Variants in CACNA1I observed in about 807,000 individuals in gnomAD.
The protein encoded by CACNA1I is calcium voltage-gated channel subunit alpha1 I.
In CACNA1I, 74 loss-of-function variants were observed where a neutral mutation model predicts 201.6. That is an observed-to-expected ratio of 0.37 (90% CI 0.30 to 0.45). The LOEUF (loss-of-function observed/expected upper bound fraction) is 0.45. CACNA1I is among the 20% of genes least tolerant of loss of function. The probability of loss-of-function intolerance (pLI) is 1.00; values close to 1 mark genes in which losing one functional copy is unlikely to be tolerated. For synonymous variants in CACNA1I, 1,431 were observed against 1,345.2 expected (o/e 1.06, Z -1.40); for missense variants, 2,346 against 3,138.1 (o/e 0.75, Z 6.03).
chr22:39,616,502 C>T (rs866997971), intron 3 of CACNA1I, among the ~76,000 whole-genome samples: 3 of 152,066 alleles, frequency 2.0e-5, no homozygotes, highest in Admixed American at 2.0e-4. Flanking sequence ...CGGTGGCTCA[C>T]GCCTGTAATC....
rs1406724119 is a variant in CACNA1I at position 39,621,375 on chromosome 22, C to A, written c.580+1968C>A. Among the ~76,000 whole-genome samples, 6 of 152,320 alleles carry A rather than the reference C, an allele frequency of 3.9e-5. No homozygotes were observed. The East Asian group carries it at 7.7e-4, about 20-fold the overall frequency. ...CATTCCTTTATTCCTAGCCCTGGGGCCTTGGGGCTCTGTCACCCACCCCAC... is the reference window on the plus strand; with the variant it reads ...CATTCCTTTATTCCTAGCCCTGGGGACTTGGGGCTCTGTCACCCACCCCAC... On this transcript the variant is annotated intron_variant, in intron 4 of 36. Coordinates refer to ENST00000402142, the MANE Select transcript of CACNA1I (RefSeq NM_021096.4).
chr22:39,681,611 G>A (rs915098600), intron 34 of CACNA1I, among the ~76,000 whole-genome samples: 3 of 152,134 alleles, frequency 2.0e-5, no homozygotes, highest in Non-Finnish European at 4.4e-5. Flanking sequence ...CAGGGGGTCA[G>A]TCTGAGGAGG....
rs766634047 is a variant in CACNA1I, at chr22:39,598,242, G to A, written c.328G>A (p.Asp110Asn). 8 of 1,598,514 alleles carry A rather than the reference G, an allele frequency of 5.0e-6. No individual in the cohort carries two copies. In the African/African-American group the frequency reaches 6.7e-5, roughly 13 times the overall value. ...QPCDDMDCLS[D>N]RCKILQVFDD... ...GTGCGACGACATGGACTGCCTGTCC[G>A]ACCGCTGCAAGATCCTGCAGGTGAG... The change falls in exon 2 of 37, where the codon GAC becomes AAC. Residue 110 changes from aspartate (D) to asparagine (N), a missense_variant. Physicochemically the swap from Asp to Asn is conservative, Grantham distance 23 (BLOSUM62 1). Around this residue, in one of 13 missense-constraint regions of CACNA1I, gnomAD observed 130 missense variants for 160.7 expected, o/e 0.81. Transcript: ENST00000402142.
intron 24 of CACNA1I, among the ~76,000 whole-genome samples, chr22:39,668,667 A>C (rs1399332466): frequency 1.3e-5 from 2 of 152,170 alleles, no homozygotes; most frequent in Non-Finnish European, 2.9e-5. Flanking sequence ...CCTGGTGGGT[A>C]GAGAACCAAG....
chr22:39,662,958 A>AT, intron 18 of CACNA1I, 82 bp downstream of exon 18: 1 of 968,602 alleles, frequency 1.0e-6, no homozygotes, highest in Non-Finnish European at 1.6e-6. Flanking sequence ...AGGCAAGGCC[A>AT]TTGGTGGCGC....
At chr22:39,619,235 G>C in intron 3 of CACNA1I, 75 bp from the exon 4 acceptor site, 1 of 1,127,432 alleles carries the variant, frequency 8.9e-7, no homozygotes, top group Non-Finnish European at 1.3e-6. Context: ...CAGGTGGCTG[G>C]AGAATGCTGT....
At chr22:39,575,635 C>T (rs1932319314) in intron 1 of CACNA1I, among the ~76,000 whole-genome samples, 1 of 152,118 alleles carries the variant, frequency 6.6e-6, no homozygotes, top group Non-Finnish European at 1.5e-5. Flanking sequence ...TGGCCATGCC[C>T]CCCATCAGTG....
At chr22:39,661,014 C>A in intron 15 of CACNA1I, 94 bp from the exon 16 acceptor site, 1 of 1,023,166 alleles carries the variant, frequency 9.8e-7, no homozygotes, top group Non-Finnish European at 1.5e-6. Flanking sequence ...TCCATTTCTG[C>A]TCCTTCCTTG....
chr22:39,662,552 G>A (rs1434410421), intron 17 of CACNA1I, 117 bp downstream of exon 17: 2 of 810,340 alleles, frequency 2.5e-6, no homozygotes, highest in South Asian at 1.9e-5. Context: ...CCGGGGCGTG[G>A]CCGGAGCGGC....
Position 39,665,014 on chromosome 22 carries a change from G to A in CACNA1I, c.3851+91G>A, listed in dbSNP as rs1206599053. ...ATTGGGCCCTCACTCCGCCCTCCCC[G>A]CCCGCCCACTCGGTCCTCCAATAGT... On this transcript the variant is annotated intron_variant, in intron 21 of 36. Transcript: ENST00000402142. This position sits in a 1 kb window ranked among gnomAD's most constrained non-coding sequence, Gnocchi z 5.5. 12 of 1,135,444 alleles carry A rather than the reference G, an allele frequency of 1.1e-5. No homozygotes were observed. The highest frequency in any genetic ancestry group is 1.4e-5 in the South Asian group (1 of 70,324). 70.3% of individuals were successfully genotyped at this position (1,135,444 alleles called of 1,614,324 possible).
chr22:39,634,557 C>T lies in CACNA1I; in HGVS notation c.581-8C>T. 2.5e-6 allele frequency: 4 copies of T among 1,613,802 alleles called. No homozygotes were observed. The South Asian group carries it at 3.3e-5, about 13-fold the overall frequency. ...GTCTGACCATCCCTCCACCTTTTCC[C>T]CTCCCAGGTATGCGGATCCTGGTGA... On this transcript the variant is annotated splice_polypyrimidine_tract_variant and splice_region_variant and intron_variant, in intron 4 of 36. Transcript: ENST00000402142.
intron 4 of CACNA1I, among the ~76,000 whole-genome samples, chr22:39,620,909 C>A (rs138979431): frequency 0.01 from 1,524 of 152,264 alleles, 13 homozygotes; most frequent in Middle Eastern, 0.017. Context: ...AGGCATGTGC[C>A]ACCATGCCTG....
chr22:39,596,125 C>G (rs915175554), intron 1 of CACNA1I, among the ~76,000 whole-genome samples: 7 of 105,228 alleles, frequency 6.7e-5, no homozygotes, highest in African/African-American at 2.7e-4. Flanking sequence ...CAGAGTGAGC[C>G]AGGGCAGGGC....
chr22:39,616,274 T>C (rs577416338), intron 3 of CACNA1I, among the ~76,000 whole-genome samples: 2 of 152,282 alleles, frequency 1.3e-5, no homozygotes, highest in East Asian at 3.9e-4. Context: ...CCCAAGTCTG[T>C]AGCCGAGAGC....
chr22:39,664,678 G>GC, intron 20 of CACNA1I, 61 bp from the exon 21 acceptor site: 210 of 712,144 alleles, frequency 2.9e-4, no homozygotes, highest in Admixed American at 1.7e-3. Flanking sequence ...AGCCCGGTTG[G>GC]CCCCGCCCAC....
At chr22:39,620,895 C>G (rs942554202) in intron 4 of CACNA1I, among the ~76,000 whole-genome samples, 2 of 152,092 alleles carry the variant, frequency 1.3e-5, no homozygotes, top group Non-Finnish European at 2.9e-5. Flanking sequence ...GTAGCTGGGA[C>G]TACAGGCATG....
chr22:39,573,638 C>T (rs572424187), intron 1 of CACNA1I, among the ~76,000 whole-genome samples: 31 of 152,286 alleles, frequency 2.0e-4, no homozygotes, highest in African/African-American at 7.0e-4. Context: ...GGCACCCTGA[C>T]GCCTGACCAC....
rs1935022094 is a variant in CACNA1I, at chr22:39,661,880, G to T, written c.2902-85G>T. On this transcript the variant is annotated intron_variant, in intron 16 of 36. Transcript: ENST00000402142. The stretch of plus-strand genomic sequence containing the variant: ...AGGTGGGTGGTCTTAGAGCCACAGC[G>T]GGGGTGCAGGCTGCCTTTGGGCACC... The T allele has an allele frequency of 3.5e-6, 3 of 848,448 alleles. No individual in the cohort carries two copies. In the South Asian group the frequency reaches 5.6e-5, roughly 16 times the overall value. The allele number at this position is 848,448 out of a possible 1,614,324, so 52.6% of individuals were successfully genotyped here.
At position 39,665,573 on chromosome 22, in the gene CACNA1I, C is replaced by T. The variant is rs758531004; in HGVS notation, c.3927C>T (p.Ile1309=). Residue 1309 remains isoleucine, a synonymous_variant, in exon 22 of 37, where the codon ATC becomes ATT. Coordinates refer to ENST00000402142, the MANE Select transcript of CACNA1I (RefSeq NM_021096.4). This position sits in a 1 kb window ranked among gnomAD's most constrained non-coding sequence, Gnocchi z 5.5. ...LISSLKPIGN[I]VLICCAFFII... is the part of the protein sequence containing the mutation. ...CCTCCCTCAAGCCCATCGGCAACATCGTGCTCATCTGCTGTGCCTTCTTCA... is the reference window on the plus strand; with the variant it reads ...CCTCCCTCAAGCCCATCGGCAACATTGTGCTCATCTGCTGTGCCTTCTTCA... The T allele has an allele frequency of 1.7e-5, 28 of 1,613,790 alleles. No individual in the cohort carries two copies. Among genetic ancestry groups the T allele is most frequent in the East Asian group, 8.9e-5 (4 of 44,892 alleles).
Sources: allele counts gnomAD v4.1 joint callset (sites outside exome capture counted in the v4.1 genomes callset), GRCh38; gene constraint gnomAD v4.1.1; regional missense constraint gnomAD v4.1.1; non-coding constraint Gnocchi (gnomAD v3.1); transcripts MANE v1.5; gene names NCBI Gene and HGNC (gene_info 2026-07-23, HGNC 2026-07-21).